The following NCK1 variants were observed in gnomAD, a reference collection of about 807,000 sequenced individuals.
NCK1 encodes the protein NCK adaptor protein 1.
In NCK1, 19 loss-of-function variants were observed where a neutral mutation model predicts 36.6. The observed-to-expected ratio is 0.52, with a 90% CI of 0.36 to 0.76. The LOEUF is 0.76. NCK1 is among the 30% of genes least tolerant of loss of function. NCK1 has a pLI of 0.00. For missense variants in NCK1, 358 were observed against 445.6 expected (o/e 0.80, Z 1.77); for synonymous variants, 165 against 156.0 (o/e 1.06, Z -0.43).
At chr3:136,930,467 G>A (rs1403643849) in intron 2 of NCK1, 12 of 1,279,170 alleles carry the variant, frequency 9.4e-6, no homozygotes, top group Non-Finnish European at 5.9e-6. Flanking sequence ...TTGGGTGTGG[G>A]AAGTTTCAGT....
Position 136,910,483 on chromosome 3 carries a change from G to A in NCK1, c.-18-17501G>A, listed in dbSNP as rs141822181. 6.4e-3 allele frequency among the ~76,000 whole-genome samples: 976 copies of A among 152,190 alleles called. 16 individuals carry two copies. Among genetic ancestry groups the A allele is most frequent in the African/African-American group, 0.022 (928 of 41,536 alleles). ...AGTTATGTTTAAAAAATTACAAACT[G>A]AATAAACCTCAGAGTTACAAACTAA... On this transcript the variant is annotated intron_variant, in intron 1 of 3. Coordinates refer to ENST00000481752, the MANE Select transcript of NCK1 (RefSeq NM_001291999.2).
intron 1 of NCK1, among the ~76,000 whole-genome samples, chr3:136,887,224 C>T (rs1939097845): frequency 6.6e-6 from 1 of 152,164 alleles, no homozygotes; most frequent in Non-Finnish European, 1.5e-5. Context: ...TGGCTGTTCA[C>T]AGGCACCATC....
intron 2 of NCK1, among the ~76,000 whole-genome samples, chr3:136,935,969 TATA>T (rs1477193074): frequency 1.3e-5 from 2 of 152,160 alleles, no homozygotes; most frequent in Non-Finnish European, 2.9e-5. Flanking sequence ...TTTCATTTAG[TATA>T]ATATCTTCAA....
chr3:136,901,067 T>A (rs911509834), intron 1 of NCK1, among the ~76,000 whole-genome samples: 2 of 152,190 alleles, frequency 1.3e-5, no homozygotes, highest in South Asian at 4.1e-4. Context: ...CTTTGTTATG[T>A]TGAAGTATGT....
At chr3:136,863,635 G>C (rs1306513581) in intron 1 of NCK1, among the ~76,000 whole-genome samples, 3 of 152,172 alleles carry the variant, frequency 2.0e-5, no homozygotes, top group Non-Finnish European at 2.9e-5. Context: ...GAAATTGGCT[G>C]TAATATCCAT....
chr3:136,912,162 C>CTTTTTTTTTTTTTTTT (rs57596314), intron 1 of NCK1, among the ~76,000 whole-genome samples: 2 of 128,162 alleles, frequency 1.6e-5, no homozygotes, highest in African/African-American at 3.2e-5. Flanking sequence ...ATTATTTTTT[C>CTTTTTTTTTTTTTTTT]TTTTTTTTTT....
intron 2 of NCK1, among the ~76,000 whole-genome samples, chr3:136,937,457 C>A (rs1285880536): frequency 2.6e-5 from 4 of 152,158 alleles, no homozygotes; most frequent in Non-Finnish European, 4.4e-5. Flanking sequence ...GTCCACCTTG[C>A]AGTTCTGTGT....
intron 1 of NCK1, among the ~76,000 whole-genome samples, chr3:136,924,932 G>T (rs1203098286): frequency 6.6e-6 from 1 of 152,136 alleles, no homozygotes; most frequent in East Asian, 1.9e-4. Flanking sequence ...CATTTTTGAG[G>T]GGTATGGGTT....
intron 1 of NCK1, among the ~76,000 whole-genome samples, chr3:136,891,500 G>A (rs1939244461): frequency 1.3e-5 from 2 of 152,208 alleles, no homozygotes; most frequent in Admixed American, 6.5e-5. Flanking sequence ...ATGAACATGG[G>A]TGTACAAGTA....
chr3:136,869,621 G>A (rs1413516195), intron 1 of NCK1, among the ~76,000 whole-genome samples: 1 of 152,142 alleles, frequency 6.6e-6, no homozygotes, highest in Non-Finnish European at 1.5e-5. Context: ...TGTTCTTCAT[G>A]TTTATTTTTC....
chr3:136,933,335 T>G (rs987315436), intron 2 of NCK1, among the ~76,000 whole-genome samples: 2 of 152,210 alleles, frequency 1.3e-5, no homozygotes, highest in African/African-American at 4.8e-5. Context: ...TGGCATCCAG[T>G]ATATCAAGGA....
chr3:136,887,032 CG>C, intron 1 of NCK1, among the ~76,000 whole-genome samples: 1 of 151,936 alleles, frequency 6.6e-6, no homozygotes. Flanking sequence ...TTAGTAGAGA[CG>C]GGGTTTCATT....
intron 1 of NCK1, among the ~76,000 whole-genome samples, chr3:136,898,444 A>G (rs1347893488): frequency 6.6e-6 from 1 of 151,810 alleles, no homozygotes; most frequent in Non-Finnish European, 1.5e-5. Context: ...ATTTCAAAAC[A>G]TTTCCACTTT....
At chr3:136,899,712 G>GACTT (rs1939489068) in intron 1 of NCK1, 1 of 818,110 alleles carries the variant, frequency 1.2e-6, no homozygotes, top group African/African-American at 1.7e-5. Context: ...GATACGAGGA[G>GACTT]ACTTACTCAC....
intron 1 of NCK1, among the ~76,000 whole-genome samples, chr3:136,874,739 C>T (rs1560031451): frequency 1.3e-5 from 2 of 152,080 alleles, no homozygotes; most frequent in Non-Finnish European, 2.9e-5. Flanking sequence ...TTTTGTTTAA[C>T]CTCTCCATTT....
At chr3:136,937,685 ATTC>A (rs1479363434) in intron 2 of NCK1, among the ~76,000 whole-genome samples, 4 of 152,246 alleles carry the variant, frequency 2.6e-5, no homozygotes, top group African/African-American at 7.2e-5. Flanking sequence ...TATGTATCTT[ATTC>A]TTCTTAATGC....
At chr3:136,876,313 C>A (rs904069541) in intron 1 of NCK1, among the ~76,000 whole-genome samples, 1 of 152,078 alleles carries the variant, frequency 6.6e-6, no homozygotes, top group African/African-American at 2.4e-5. Flanking sequence ...CAGAGCAGAA[C>A]TGAAAGAAAT....
At chr3:136,869,679 C>T (rs1938550463) in intron 1 of NCK1, among the ~76,000 whole-genome samples, 1 of 152,120 alleles carries the variant, frequency 6.6e-6, no homozygotes, top group African/African-American at 2.4e-5. Context: ...TGGTTGCTTT[C>T]GTATTTTTCT....
chr3:136,912,343 A>G (rs569895313), intron 1 of NCK1, among the ~76,000 whole-genome samples: 5 of 151,740 alleles, frequency 3.3e-5, no homozygotes, highest in Admixed American at 3.3e-4. Flanking sequence ...TTGTGTTTTT[A>G]GTAGAGATGG....
Sources: gnomAD v4.1 joint callset for allele counts (sites outside exome capture counted in the v4.1 genomes callset) on GRCh38, gnomAD v4.1.1 for gene constraint, MANE v1.5 for transcripts, NCBI Gene and HGNC (gene_info 2026-07-23, HGNC 2026-07-21) for gene names.